CDK19: variants seen among roughly 807,000 people sequenced by gnomAD.
CDK19 encodes the protein cyclin dependent kinase 19.
CDK19 carries 20 observed loss-of-function variants against 68.3 expected under a neutral mutation model. The ratio of observed to expected loss-of-function variants is 0.29; its 90% CI spans 0.21 to 0.43. CDK19 has a LOEUF of 0.43. Among genes scored for constraint, CDK19 ranks in the 20% least tolerant of loss-of-function variants. The pLI, the probability that CDK19 is intolerant of heterozygous loss-of-function variation, is 1.00. For synonymous variants in CDK19, 221 were observed against 222.8 expected (o/e 0.99, Z 0.07); for missense variants, 339 against 623.5 (o/e 0.54, Z 4.86).
chr6:110,622,159 C>A lies in CDK19; in HGVS notation c.1039G>T (p.Ala347Ser). 3.1e-6 allele frequency: 5 copies of A among 1,602,502 alleles called. No homozygotes were observed. The highest frequency in any genetic ancestry group is 4.3e-6 in the Non-Finnish European group (5 of 1,171,300). The change falls in exon 11 of 13, where the codon GCC becomes TCC. Residue 347 changes from alanine (A) to serine (S), a missense_variant. Coordinates refer to ENST00000368911, the MANE Select transcript of CDK19 (RefSeq NM_015076.5). ...TTGGGGTATGGAATCTGGCAGCCGG[C>A]AAATACACTAAAAATCATTAAAAAG... is the stretch of plus-strand genomic sequence containing the variant. The part of the protein sequence containing the change: ...EDPLPTLDVF[A>S]GCQIPYPKRE...
intron 1 of CDK19, among the ~76,000 whole-genome samples, chr6:110,774,753 C>T (rs1780274951): frequency 6.6e-6 from 1 of 152,144 alleles, no homozygotes; most frequent in African/African-American, 2.4e-5. Context: ...AGTTCAAGAC[C>T]AGCATGGACA....
intron 2 of CDK19, among the ~76,000 whole-genome samples, chr6:110,742,144 C>G (rs1264906410): frequency 6.6e-6 from 1 of 152,182 alleles, no homozygotes; most frequent in African/African-American, 2.4e-5. Flanking sequence ...CCGGCTGGAG[C>G]CGCAGCAGAG....
chr6:110,713,090 A>G (rs28584040), intron 2 of CDK19, among the ~76,000 whole-genome samples: 27,959 of 151,042 alleles, frequency 0.19, 2,829 homozygotes, highest in South Asian at 0.39. Flanking sequence ...CCAGCTACTT[A>G]GGAGGCTGAC....
chr6:110,640,905 T>G (rs1780104806), intron 4 of CDK19, among the ~76,000 whole-genome samples: 1 of 152,110 alleles, frequency 6.6e-6, no homozygotes, highest in African/African-American at 2.4e-5. Flanking sequence ...TAGAGTGAGC[T>G]GTGAGCGTGC....
Position 110,614,614 on chromosome 6 carries a change from G to A in CDK19, c.1430C>T (p.Ser477Phe). ...GGAAGAGTAGCCAAGTGTGCTCTGGGACTGAGAGGATCCCTGAACGCTGCT... is the reference window on the plus strand; with the variant it reads ...GGAAGAGTAGCCAAGTGTGCTCTGGAACTGAGAGGATCCCTGAACGCTGCT... ...YQSSVQGSSQ[S>F]QSTLGYSSSS... Residue 477 changes from serine to phenylalanine, a missense_variant, in exon 13 of 13, where the codon TCC becomes TTC. Transcript: ENST00000368911. The A allele has an allele frequency of 6.2e-7, 1 of 1,613,922 alleles. No homozygotes were observed. Among genetic ancestry groups the A allele is most frequent in the East Asian group, 2.2e-5 (1 of 44,878 alleles).
chr6:110,671,200 GCTGGACT>G (rs1441204951), intron 2 of CDK19, among the ~76,000 whole-genome samples: 1 of 152,094 alleles, frequency 6.6e-6, no homozygotes, highest in Non-Finnish European at 1.5e-5. Flanking sequence ...AAAGCTTTAA[GCTGGACT>G]CTGACGATAT....
intron 2 of CDK19, among the ~76,000 whole-genome samples, chr6:110,713,447 A>C (rs969173996): frequency 1.4e-5 from 2 of 145,886 alleles, no homozygotes; most frequent in Admixed American, 1.4e-4. Context: ...AAAAAAAAAA[A>C]AAATCCTGGG....
At chr6:110,757,877 C>T (rs1435267506) in intron 1 of CDK19, among the ~76,000 whole-genome samples, 2 of 152,054 alleles carry the variant, frequency 1.3e-5, no homozygotes, top group African/African-American at 4.8e-5. Flanking sequence ...AGAGAAATAA[C>T]GAATAAGCAG....
At chr6:110,691,373 C>A (rs1044092630) in intron 2 of CDK19, among the ~76,000 whole-genome samples, 1 of 151,758 alleles carries the variant, frequency 6.6e-6, no homozygotes, top group Non-Finnish European at 1.5e-5. Context: ...GCTCAGGAGG[C>A]TGAGGCAAGA....
rs1418679203 is a variant in CDK19 at position 110,626,790 on chromosome 6, G to A, written c.846C>T (p.Asp282=). 4.4e-6 allele frequency: 7 copies of A among 1,576,020 alleles called. No individual in the cohort carries two copies. The highest frequency in any genetic ancestry group is 6.1e-6 in the Non-Finnish European group (7 of 1,154,684). The change falls in exon 8 of 13, where the codon GAC becomes GAT. Residue 282 remains aspartate (D), a synonymous_variant. Transcript: ENST00000368911. The part of the protein sequence containing the change: ...KMPEYPTLQK[D]FRRTTYANSS... ...GAATTACTTACGTTGTTCTTCTAAA[G>A]TCTTTTTGAAGTGTGGGATATTCTG...
intron 1 of CDK19, among the ~76,000 whole-genome samples, chr6:110,747,370 C>A (rs147017328): frequency 6.5e-4 from 99 of 152,206 alleles, no homozygotes; most frequent in African/African-American, 1.9e-3. Flanking sequence ...TTTCTTCCAA[C>A]AGATAGCATT....
chr6:110,745,312 G>A (rs1017930365), intron 2 of CDK19, among the ~76,000 whole-genome samples: 1 of 152,014 alleles, frequency 6.6e-6, no homozygotes, highest in Non-Finnish European at 1.5e-5. Context: ...TAGTATTCTT[G>A]TGAACAATCA....
intron 5 of CDK19, among the ~76,000 whole-genome samples, chr6:110,632,706 G>A (rs1339047540): frequency 6.6e-6 from 1 of 152,060 alleles, no homozygotes; most frequent in Non-Finnish European, 1.5e-5. Context: ...ACTCCAGCCT[G>A]GGCAACAGAG....
chr6:110,712,071 T>A (rs564203699), intron 2 of CDK19, among the ~76,000 whole-genome samples: 17 of 152,222 alleles, frequency 1.1e-4, no homozygotes, highest in Non-Finnish European at 2.5e-4. Flanking sequence ...AAATTTACAA[T>A]GCTCTAGGAC....
intron 2 of CDK19, among the ~76,000 whole-genome samples, chr6:110,701,501 G>A (rs1191426876): frequency 2.0e-5 from 3 of 150,512 alleles, no homozygotes; most frequent in South Asian, 2.1e-4. Flanking sequence ...GCAGTGAGCC[G>A]AGATTGCACC....
At chr6:110,659,480 C>T (rs991406045) in intron 4 of CDK19, among the ~76,000 whole-genome samples, 19 of 152,170 alleles carry the variant, frequency 1.2e-4, no homozygotes, top group African/African-American at 3.9e-4. Context: ...AGCAGAAATA[C>T]CAGCTTTGGA....
chr6:110,768,568 T>C (rs2114982699), intron 1 of CDK19, among the ~76,000 whole-genome samples: 1 of 152,290 alleles, frequency 6.6e-6, no homozygotes, highest in Non-Finnish European at 1.5e-5. Context: ...AAATGAGCTA[T>C]CAAGCCATGA....
At chr6:110,693,492 A>G (rs1329370888) in intron 2 of CDK19, among the ~76,000 whole-genome samples, 1 of 152,232 alleles carries the variant, frequency 6.6e-6, no homozygotes, top group Non-Finnish European at 1.5e-5. Context: ...TTCTCAGTGG[A>G]GTTATGCCCT....
chr6:110,689,537 T>G (rs1000487809), intron 2 of CDK19, among the ~76,000 whole-genome samples: 3 of 152,196 alleles, frequency 2.0e-5, no homozygotes, highest in African/African-American at 7.2e-5. Context: ...ATTGACATTG[T>G]GGCCAGGAAG....
Sources: allele counts gnomAD v4.1 joint callset (sites outside exome capture counted in the v4.1 genomes callset), GRCh38; gene constraint gnomAD v4.1.1; transcripts MANE v1.5; gene names NCBI Gene and HGNC (gene_info 2026-07-23, HGNC 2026-07-21).